Variants in SEMA3E observed in about 807,000 individuals in gnomAD.
SEMA3E encodes the protein semaphorin 3E.
In SEMA3E, 49 loss-of-function variants were observed where a neutral mutation model predicts 93.6. The ratio of observed to expected loss-of-function variants is 0.52; its 90% CI spans 0.42 to 0.66. The LOEUF (loss-of-function observed/expected upper bound fraction) is 0.66, where lower values mean the gene tolerates loss of function less well. Ranked by LOEUF, SEMA3E falls within the 30% of genes least tolerant of loss-of-function variation. The pLI is 0.00. For missense variants in SEMA3E, 906 were observed against 964.8 expected, an observed-to-expected ratio of 0.94 and a Z score of 0.81; for synonymous variants, 363 against 330.7, an observed-to-expected ratio of 1.10 and a Z score of -1.06.
chr7:83,530,322 A>G (rs913898429), intron 1 of SEMA3E, among the ~76,000 whole-genome samples: 3 of 152,212 alleles, frequency 2.0e-5, no homozygotes, highest in African/African-American at 7.2e-5. Context: ...AGCAGAACAT[A>G]AATCAAGTAT....
rs543561041 is a variant in SEMA3E, at chr7:83,454,015, T to C, written c.456+12467A>G. ...GGTTCAAGCCTGTAATCCCAGCACT[T>C]TGGGAGGCCGAGGCGGGTGGATCAC... On this transcript the variant is annotated intron_variant, in intron 4 of 16. Coordinates refer to ENST00000643230, the MANE Select transcript of SEMA3E (RefSeq NM_012431.3). Among the ~76,000 whole-genome samples, 431 of 151,686 alleles carry C rather than the reference T, an allele frequency of 2.8e-3. 5 individuals carry two copies. Among genetic ancestry groups the C allele is most frequent in the African/African-American group, 9.9e-3 (410 of 41,404 alleles).
intron 4 of SEMA3E, among the ~76,000 whole-genome samples, chr7:83,450,783 G>A (rs2115818641): frequency 6.6e-6 from 1 of 152,192 alleles, no homozygotes; most frequent in Admixed American, 6.5e-5. Context: ...TGTCTCTGCT[G>A]TTTCTGTTAT....
At chr7:83,443,354 T>C (rs1789157719) in intron 4 of SEMA3E, among the ~76,000 whole-genome samples, 1 of 152,054 alleles carries the variant, frequency 6.6e-6, no homozygotes, top group Non-Finnish European at 1.5e-5. Flanking sequence ...GGGTATAAAG[T>C]AAAAGTGTCA....
At chr7:83,564,149 T>G (rs925170747) in intron 1 of SEMA3E, among the ~76,000 whole-genome samples, 1 of 152,220 alleles carries the variant, frequency 6.6e-6, no homozygotes, top group African/African-American at 2.4e-5. Flanking sequence ...TTATTTTACA[T>G]AGTCTTTAGA....
At chr7:83,392,376 G>A (rs1425694417) in intron 14 of SEMA3E, among the ~76,000 whole-genome samples, 179 bp downstream of exon 14, 1 of 151,446 alleles carries the variant, frequency 6.6e-6, no homozygotes, top group African/African-American at 2.4e-5. Context: ...TCAAAAGAGG[G>A]AAAAACTGAC....
rs71534491 is a variant in SEMA3E at position 83,454,272 on chromosome 7, AAT to A, written c.456+12208_456+12209del. 1.4e-3 allele frequency among the ~76,000 whole-genome samples: 159 copies of A among 110,094 alleles called. 3 individuals carry two copies. Among genetic ancestry groups the A allele is most frequent in the Middle Eastern group, 9.8e-3 (2 of 204 alleles). The allele number at this position is 110,094 out of a possible 152,430, so 72.2% of individuals were successfully genotyped here. A position where few individuals can be genotyped will look rare whatever the true frequency, so the allele number is the denominator to read the frequency against. On this transcript the variant is annotated intron_variant, in intron 4 of 16. Coordinates refer to ENST00000643230, the MANE Select transcript of SEMA3E (RefSeq NM_012431.3). ...GACTCCGACTCAAAAAAAAAAAAAAAATATATATATATATATATATATATAAT... is the reference window on the plus strand; with the variant it reads ...GACTCCGACTCAAAAAAAAAAAAAAAATATATATATATATATATATATAAT...
At chr7:83,462,467 G>A (rs1476728597) in intron 4 of SEMA3E, among the ~76,000 whole-genome samples, 1 of 151,848 alleles carries the variant, frequency 6.6e-6, no homozygotes, top group African/African-American at 2.4e-5. Flanking sequence ...GACTATTCCT[G>A]GGCTACAGCC....
At chr7:83,503,911 A>G (rs1253101117) in intron 1 of SEMA3E, among the ~76,000 whole-genome samples, 1 of 152,182 alleles carries the variant, frequency 6.6e-6, no homozygotes, top group Non-Finnish European at 1.5e-5. Flanking sequence ...CTACAGATGT[A>G]TGGTTGAAGT....
rs954457578 is a variant in SEMA3E, at chr7:83,405,653, C to A, written c.929-134G>T. On this transcript the variant is annotated intron_variant, in intron 8 of 16. Coordinates refer to ENST00000643230, the MANE Select transcript of SEMA3E (RefSeq NM_012431.3). ...TGTATTTTCATATACAATCATACAA[C>A]CATGACCAAGTCATAACAGAGCTAA... 14 of 810,108 alleles carry A rather than the reference C, an allele frequency of 1.7e-5. No homozygotes were observed. The African/African-American group carries it at 2.2e-4, about 13-fold the overall frequency. 50.2% of individuals were successfully genotyped at this position (810,108 alleles called of 1,614,324 possible). A position where few individuals can be genotyped will look rare whatever the true frequency, so the allele number is the denominator to read the frequency against.
At chr7:83,429,146 G>T (rs989945348) in intron 4 of SEMA3E, among the ~76,000 whole-genome samples, 4 of 152,172 alleles carry the variant, frequency 2.6e-5, no homozygotes, top group Admixed American at 2.0e-4. Flanking sequence ...ACGTTTGTAA[G>T]TCCTTTAATA....
chr7:83,625,110 C>T (rs941626328), intron 1 of SEMA3E, among the ~76,000 whole-genome samples: 1 of 152,122 alleles, frequency 6.6e-6, no homozygotes, highest in African/African-American at 2.4e-5. Flanking sequence ...CAGTACCATG[C>T]TGTTTTGGTT....
chr7:83,390,724 C>T (rs549871760), intron 14 of SEMA3E, among the ~76,000 whole-genome samples: 46 of 152,266 alleles, frequency 3.0e-4, no homozygotes, highest in Non-Finnish European at 7.4e-5. Context: ...GAAAGATCTC[C>T]ATTACATGTC....
chr7:83,628,549 C>T (rs1310176636), intron 1 of SEMA3E, among the ~76,000 whole-genome samples: 1 of 151,560 alleles, frequency 6.6e-6, no homozygotes, highest in Non-Finnish European at 1.5e-5. Flanking sequence ...TCTTCAATCT[C>T]TGATATCCTT....
intron 2 of SEMA3E, among the ~76,000 whole-genome samples, chr7:83,474,348 T>G (rs1426561395): frequency 6.6e-6 from 1 of 151,824 alleles, no homozygotes; most frequent in African/African-American, 2.4e-5. Context: ...AAACAAGCAC[T>G]CTATGTTTTG....
chr7:83,634,723 T>A (rs1365303418), intron 1 of SEMA3E, among the ~76,000 whole-genome samples: 1 of 152,098 alleles, frequency 6.6e-6, no homozygotes, highest in East Asian at 1.9e-4. Flanking sequence ...CATTAACTTC[T>A]TATGACTGTA....
At chr7:83,381,965 A>C (rs749861882) in intron 16 of SEMA3E, among the ~76,000 whole-genome samples, 3 of 152,002 alleles carry the variant, frequency 2.0e-5, no homozygotes. Context: ...GACAATGAGG[A>C]GTAATGCCTT....
intron 2 of SEMA3E, among the ~76,000 whole-genome samples, chr7:83,488,712 A>G (rs902218377): frequency 6.6e-6 from 1 of 152,120 alleles, no homozygotes; most frequent in African/African-American, 2.4e-5. Flanking sequence ...CTGAAGTTCT[A>G]TATAAGTCAG....
intron 4 of SEMA3E, among the ~76,000 whole-genome samples, chr7:83,453,609 C>T (rs1221441170): frequency 6.6e-6 from 1 of 152,140 alleles, no homozygotes; most frequent in East Asian, 1.9e-4. Context: ...GGGGAATACT[C>T]ATTACCTTCT....
chr7:83,402,939 A>G (rs924358029), intron 9 of SEMA3E, among the ~76,000 whole-genome samples, 163 bp from the exon 10 acceptor site: 1 of 152,016 alleles, frequency 6.6e-6, no homozygotes, highest in African/African-American at 2.4e-5. Context: ...CAATATTTCC[A>G]ATTTTGAAAC....
Sources: allele counts gnomAD v4.1 joint callset (sites outside exome capture counted in the v4.1 genomes callset), GRCh38; gene constraint gnomAD v4.1.1; transcripts MANE v1.5; gene names NCBI Gene and HGNC (gene_info 2026-07-23, HGNC 2026-07-21).